Variants in NBPF26 observed in about 807,000 individuals in gnomAD.
NBPF26 encodes the protein NBPF family member NBPF26.
In NBPF26, 79 loss-of-function variants were observed where a neutral mutation model predicts 119.6. That is an observed-to-expected ratio of 0.66 (90% CI 0.55 to 0.80). NBPF26 has a LOEUF of 0.80. Ranked by LOEUF, NBPF26 falls within the 30% of genes least tolerant of loss-of-function variation. NBPF26 has a pLI of 0.00. For missense variants in NBPF26, 800 were observed against 1,198.2 expected (o/e 0.67, Z 4.91); for synonymous variants, 299 against 457.7 (o/e 0.65, Z 4.43).
chr1:120,815,072 A>T, intron 12 of NBPF26, 29 bp downstream of exon 12: 1 of 1,050,864 alleles, frequency 9.5e-7, no homozygotes, highest in Non-Finnish European at 1.4e-6. Context: ...CTGATGACCC[A>T]AAATCCCAGG....
intron 1 of NBPF26, among the ~76,000 whole-genome samples, chr1:120,745,220 A>G (rs1389661011): frequency 9.0e-6 from 1 of 110,702 alleles, no homozygotes; most frequent in Non-Finnish European, 1.7e-5. Context: ...ATGGTTTTTT[A>G]AACTGCAGAT....
In NBPF26 at chr1:120,805,298, G is replaced by A. The variant is rs1651653533; in HGVS notation, c.752-258G>A. 9 of 1,056,472 alleles carry A rather than the reference G, an allele frequency of 8.5e-6. No individual in the cohort carries two copies. The South Asian group carries it at 1.3e-4, about 16-fold the overall frequency. The allele number at this position is 1,056,472 out of a possible 1,614,324, so 65.4% of individuals were successfully genotyped here. A position where few individuals can be genotyped will look rare whatever the true frequency, so the allele number is the denominator to read the frequency against. ...TTCTAATTCTGTTATTGCAACTGCA[G>A]ACGGTTACCTGGCACGCTGGCCACA... On this transcript the variant is annotated intron_variant, in intron 4 of 29. Coordinates refer to ENST00000620612, the Ensembl canonical transcript of NBPF26.
At chr1:120,840,645 C>T (rs1261596383), downstream of NBPF26, 1 of 1,447,828 alleles carries the variant, frequency 6.9e-7, no homozygotes, top group Non-Finnish European at 9.2e-7. Flanking sequence ...GACCTATAGG[C>T]ACGTGAAGAT....
rs1335344217 is a variant in NBPF26 at position 120,726,903 on chromosome 1, A to G, written c.73+2653A>G. ...TGCCTCTCCTGTAGGCTTCTATGACATAGAGGAGCAACTTTTGGTTCACCT... is the reference window on the plus strand; with the variant it reads ...TGCCTCTCCTGTAGGCTTCTATGACGTAGAGGAGCAACTTTTGGTTCACCT... On this transcript the variant is annotated intron_variant, in intron 1 of 29. Coordinates refer to ENST00000620612, the Ensembl canonical transcript of NBPF26. Among the ~76,000 whole-genome samples, 5 of 114,736 alleles carry G rather than the reference A, an allele frequency of 4.4e-5. 2 individuals are homozygous for G. The highest frequency in any genetic ancestry group is 1.0e-4 in the African/African-American group (2 of 19,242). 75.3% of individuals were successfully genotyped at this position (114,736 alleles called of 152,430 possible).
chr1:120,811,921 A>G lies in NBPF26; in HGVS notation c.1600A>G (p.Met534Val), dbSNP rs1354568847. Residue 534 changes from methionine (M) to valine (V), a missense_variant, in exon 10 of 30, where the codon ATG becomes GTG. Around this residue, in one of 13 missense-constraint regions of NBPF26, gnomAD observed 72 missense variants for 81.1 expected, o/e 0.89. Coordinates refer to ENST00000620612, the Ensembl canonical transcript of NBPF26. The stretch of plus-strand genomic sequence containing the variant: ...CACCTCTTCTGCCACAAACGTCAGC[A>G]TGGTGGTATCAGCCGGCCCTTTGTC... 1.9e-5 allele frequency: 21 copies of G among 1,100,510 alleles called. 6 individuals are homozygous for G. The Admixed American group carries it at 3.0e-4, about 16-fold the overall frequency. The allele number at this position is 1,100,510 out of a possible 1,614,324, so 68.2% of individuals were successfully genotyped here.
chr1:120,790,682 C>T (rs1359631229), intron 3 of NBPF26, among the ~76,000 whole-genome samples: 2 of 110,058 alleles, frequency 1.8e-5, no homozygotes, highest in East Asian at 2.2e-4. Flanking sequence ...TCACTGCAAC[C>T]TCCACCTCTT....
intron 15 of NBPF26, among the ~76,000 whole-genome samples, chr1:120,819,222 C>A (rs1267837186): frequency 8.2e-6 from 1 of 121,538 alleles, no homozygotes; most frequent in Non-Finnish European, 1.6e-5. Context: ...GATCCCTTTA[C>A]CATTATGTAG....
chr1:120,823,862 A>C (rs1652193674), intron 17 of NBPF26, 112 bp from the exon 18 acceptor site: 1 of 535,270 alleles, frequency 1.9e-6, no homozygotes, highest in Admixed American at 2.9e-5. Flanking sequence ...TCATTAATGG[A>C]TCTGTCCTTT....
chr1:120,793,072 C>T, intron 3 of NBPF26, 89 bp from the exon 4 acceptor site: 1 of 636,620 alleles, frequency 1.6e-6, no homozygotes, highest in East Asian at 2.7e-5. Flanking sequence ...CTTCTCCACG[C>T]AAGAGCTCGC....
In NBPF26 at chr1:120,766,493, C is replaced by CA. The variant is rs1168983099; in HGVS notation, c.155+2791dup. Among the ~76,000 whole-genome samples the CA allele has an allele frequency of 8.4e-5, 2 of 23,682 alleles. 1 individual carries two copies. Among genetic ancestry groups the CA allele is most frequent in the Non-Finnish European group, 1.4e-4 (2 of 14,302 alleles). 15.5% of individuals were successfully genotyped at this position (23,682 alleles called of 152,430 possible). On this transcript the variant is annotated intron_variant, in intron 2 of 29. Transcript: ENST00000620612. ...TGAAATCCCATCTCTACTAAAAATG[C>CA]AAAAAAATTAGCTGGGCGTGGTGGC...
intron 3 of NBPF26, among the ~76,000 whole-genome samples, chr1:120,791,700 G>C (rs1193306707): frequency 2.0e-5 from 1 of 50,082 alleles, no homozygotes; most frequent in Admixed American, 1.9e-4. Context: ...TAATGTAAAT[G>C]ACGAGTTAAT....
At chr1:120,783,791 T>G (rs1420245541) in intron 2 of NBPF26, among the ~76,000 whole-genome samples, 2 of 114,648 alleles carry the variant, frequency 1.7e-5, no homozygotes, top group Non-Finnish European at 3.3e-5. Context: ...CAATCCAGAC[T>G]AAGACTTCAC....
intron 2 of NBPF26, among the ~76,000 whole-genome samples, chr1:120,782,779 G>A: frequency 9.8e-6 from 1 of 101,802 alleles, no homozygotes; most frequent in East Asian, 2.4e-4. Flanking sequence ...TTTTTATTAT[G>A]TGGGCATATG....
Position 120,823,650 on chromosome 1 carries a change from C to T in NBPF26, c.2639+290C>T, listed in dbSNP as rs1366369484. Among the ~76,000 whole-genome samples the T allele has an allele frequency of 5.1e-4, 64 of 124,854 alleles. 3 individuals carry two copies. The East Asian group carries it at 0.011, about 21-fold the overall frequency. 81.9% of individuals were successfully genotyped at this position (124,854 alleles called of 152,430 possible). Reference sequence around the variant, plus strand: ...TTTACGCAAAATTATTGAGGACATGCTTTTCATGATCACTGTTCACTGTGT... The same window carrying T: ...TTTACGCAAAATTATTGAGGACATGTTTTTCATGATCACTGTTCACTGTGT... On this transcript the variant is annotated intron_variant, in intron 17 of 29. Transcript: ENST00000620612.
Position 120,784,888 on chromosome 1 carries a change from C to T in NBPF26, c.156-86C>T, listed in dbSNP as rs1362193260. 7 of 1,021,694 alleles carry T rather than the reference C, an allele frequency of 6.9e-6. 1 individual carries two copies. The highest frequency in any genetic ancestry group is 9.8e-6 in the Non-Finnish European group (7 of 713,968). 63.3% of individuals were successfully genotyped at this position (1,021,694 alleles called of 1,614,324 possible). Reference sequence around the variant, plus strand: ...CTGTTGATTCACAATCTCGTGCTTTCTTGATTGGACTGTATTGTTTTACTG... The same window carrying T: ...CTGTTGATTCACAATCTCGTGCTTTTTTGATTGGACTGTATTGTTTTACTG... On this transcript the variant is annotated intron_variant, in intron 2 of 29. Transcript: ENST00000620612.
intron 4 of NBPF26, among the ~76,000 whole-genome samples, chr1:120,805,055 G>A (rs1455136747): frequency 3.3e-5 from 4 of 121,764 alleles, no homozygotes; most frequent in Admixed American, 7.9e-5. Context: ...TGATGATGTT[G>A]TACAGACAAG....
chr1:120,724,339 G>A lies in NBPF26; in HGVS notation c.73+89G>A, dbSNP rs1462806759. 1.5e-6 allele frequency: 2 copies of A among 1,357,728 alleles called. 1 individual carries two copies. Among genetic ancestry groups the A allele is most frequent in the Non-Finnish European group, 1.9e-6 (2 of 1,042,430 alleles). The allele number at this position is 1,357,728 out of a possible 1,614,324, so 84.1% of individuals were successfully genotyped here. Reference sequence around the variant, plus strand: ...TCCCCCTCAGTCCTTCTCTGTGTGGGAAGGCCAGGCTCGGCCGCCGGCGCG... The same window carrying A: ...TCCCCCTCAGTCCTTCTCTGTGTGGAAAGGCCAGGCTCGGCCGCCGGCGCG... On this transcript the variant is annotated intron_variant, in intron 1 of 29. Coordinates refer to ENST00000620612, the Ensembl canonical transcript of NBPF26.
rs1158969961 is a variant in NBPF26, at chr1:120,792,558, G to A, written c.416-603G>A. 6.3e-5 allele frequency among the ~76,000 whole-genome samples: 7 copies of A among 111,166 alleles called. 1 individual carries two copies. Among genetic ancestry groups the A allele is most frequent in the Non-Finnish European group, 1.7e-5 (1 of 57,730 alleles). The allele number at this position is 111,166 out of a possible 152,430, so 72.9% of individuals were successfully genotyped here. On this transcript the variant is annotated intron_variant, in intron 3 of 29. Coordinates refer to ENST00000620612, the Ensembl canonical transcript of NBPF26. ...GCTGTGTCGCCCAGGCTGGAGTGCA[G>A]TGGTACAATCTCGGCTCACTGCAAC...
intron 16 of NBPF26, among the ~76,000 whole-genome samples, chr1:120,822,857 G>T (rs1164014226): frequency 1.7e-5 from 2 of 119,088 alleles, no homozygotes; most frequent in South Asian, 5.0e-4. Flanking sequence ...AATAGCTGAT[G>T]CTTCTGTGTA....
Sources: allele counts gnomAD v4.1 joint callset (sites outside exome capture counted in the v4.1 genomes callset), GRCh38; gene constraint gnomAD v4.1.1; regional missense constraint gnomAD v4.1.1; transcripts MANE v1.5; gene names NCBI Gene and HGNC (gene_info 2026-07-23, HGNC 2026-07-21).